The following TEX15 variants were observed in gnomAD, a reference collection of about 807,000 sequenced individuals.
TEX15 encodes the protein testis-expressed protein 15.
Under a neutral mutation model 237.3 loss-of-function variants are expected in TEX15, and 171 were observed. The ratio of observed to expected loss-of-function variants is 0.72; its 90% CI spans 0.64 to 0.82. TEX15 has a LOEUF of 0.82. TEX15 is among the 40% of genes least tolerant of loss of function. The pLI is 0.00. For missense variants in TEX15, 3,750 were observed against 3,646.5 expected, an observed-to-expected ratio of 1.03 and a Z score of -0.73; for synonymous variants, 1,338 against 1,269.8, an observed-to-expected ratio of 1.05 and a Z score of -1.14.
intron 4 of TEX15, among the ~76,000 whole-genome samples, chr8:30,873,784 G>GT (rs1215398529): frequency 6.6e-6 from 1 of 152,090 alleles, no homozygotes; most frequent in Admixed American, 6.6e-5. Flanking sequence ...ATATATTGTA[G>GT]TAAGTACCAT....
chr8:30,858,802 G>A lies in TEX15; in HGVS notation c.716C>T (p.Ser239Leu). 6.5e-7 allele frequency: 1 copy of A among 1,534,864 alleles called. No homozygotes were observed. The highest frequency in any genetic ancestry group is 8.7e-7 in the Non-Finnish European group (1 of 1,146,402). ...AVYFYEYSVL[S>L]KPVDKPRQCL... ...TTGCCTAGGTTTATCTACAGGCTTTGAAAGGACACTGTATTCATAGAAGTA... is the reference window on the plus strand; with the variant it reads ...TTGCCTAGGTTTATCTACAGGCTTTAAAAGGACACTGTATTCATAGAAGTA... The change falls in exon 7 of 11, where the codon TCA becomes TTA. Residue 239 changes from serine (S) to leucine (L), a missense_variant. Ser to Leu is a moderately radical substitution (Grantham distance 145, BLOSUM62 -2). Coordinates refer to ENST00000643185, the MANE Select transcript of TEX15 (RefSeq NM_001350162.2).
In TEX15 at chr8:30,894,328, T is replaced by TA. The variant is rs573078658; in HGVS notation, c.-10+4413dup. ...GTAGCAAGAAAAAAAATTCTGTCTC[T>TA]AAAAAAAATCCGTATTTGATAATTC... On this transcript the variant is annotated intron_variant, in intron 2 of 10. Coordinates refer to ENST00000643185, the MANE Select transcript of TEX15 (RefSeq NM_001350162.2). 7.0e-4 allele frequency among the ~76,000 whole-genome samples: 106 copies of TA among 152,124 alleles called. 3 individuals are homozygous for TA. In the South Asian group the frequency reaches 0.017, roughly 24 times the overall value.
chr8:30,909,501 A>G (rs1440664807), intron 1 of TEX15, among the ~76,000 whole-genome samples: 5 of 151,220 alleles, frequency 3.3e-5, no homozygotes, highest in Admixed American at 6.6e-5. Context: ...TTCCAAGGAT[A>G]TAGGATTGCT....
rs1344921452 is a variant in TEX15, at chr8:30,858,710, T to C, written c.808A>G (p.Thr270Ala). 1 of 1,535,852 alleles carries C rather than the reference T, an allele frequency of 6.5e-7. No individual in the cohort carries two copies. Among genetic ancestry groups the C allele is most frequent in the South Asian group, 1.2e-5 (1 of 84,020 alleles). Residue 270 changes from threonine to alanine, a missense_variant, in exon 7 of 11, where the codon ACA (threonine) becomes GCA (alanine). By Grantham distance (58) the Thr-to-Ala change is moderately conservative. Transcript: ENST00000643185. ...CCTGTTGAGAGGAATCTCAAAGATG[T>C]CATAAGGCGTCCATTATCTACTTTT... ...GSKVDNGRLM[T>A]SLRFLSTGFP...
At chr8:30,887,052 G>A (rs1808665082) in intron 3 of TEX15, 115 bp downstream of exon 3, 2 of 901,100 alleles carry the variant, frequency 2.2e-6, no homozygotes, top group Non-Finnish European at 1.6e-6. Context: ...TAAGGAATTA[G>A]AGACCTGAAT....
At chr8:30,882,952 T>A (rs367808221) in intron 3 of TEX15, among the ~76,000 whole-genome samples, 6 of 152,060 alleles carry the variant, frequency 3.9e-5, no homozygotes, top group African/African-American at 1.4e-4. Context: ...TTGTATTTTT[T>A]GTAGAGATGG....
Position 30,846,869 on chromosome 8 carries a change from T to G in TEX15, c.3298A>C (p.Ile1100Leu). 1 of 1,613,920 alleles carries G rather than the reference T, an allele frequency of 6.2e-7. No homozygotes were observed. The highest frequency in any genetic ancestry group is 8.5e-7 in the Non-Finnish European group (1 of 1,179,828). Residue 1100 changes from isoleucine (I) to leucine (L), a missense_variant, in exon 8 of 11, where the codon ATC (isoleucine) becomes CTC (leucine). Ile to Leu is a conservative substitution (Grantham distance 5). Coordinates refer to ENST00000643185, the MANE Select transcript of TEX15 (RefSeq NM_001350162.2). ...VTSYKALKSR[I>L]SWEGLLALDN... ...AGTGCTAACAGACCTTCCCAACTGA[T>G]ACGAGACTTCAGAGCCTTATATGAG...
chr8:30,896,527 A>G (rs1808909243), intron 2 of TEX15, among the ~76,000 whole-genome samples: 1 of 151,230 alleles, frequency 6.6e-6, no homozygotes, highest in Admixed American at 6.6e-5. Flanking sequence ...ACCTCAGCTC[A>G]CTACCAGAAC....
chr8:30,837,125 A>C lies in TEX15; in HGVS notation c.9159T>G (p.Asn3053Lys), dbSNP rs755631226. 1.2e-6 allele frequency: 2 copies of C among 1,614,118 alleles called. No individual in the cohort carries two copies. The highest frequency in any genetic ancestry group is 1.7e-6 in the Non-Finnish European group (2 of 1,179,980). Residue 3053 changes from asparagine to lysine, a missense_variant, in exon 10 of 11, where the codon AAT (asparagine) becomes AAG (lysine). Transcript: ENST00000643185. The stretch of plus-strand genomic sequence containing the variant: ...GGTATGTCTGGGTAATGGCATTGCC[A>C]TTGCTGTTGCTGTACTGATAAACAC... Reference protein sequence around the residue: ...AWCVYQYSNSNGNAITQTYQG... With the variant: ...AWCVYQYSNSKGNAITQTYQG...
intron 6 of TEX15, 121 bp downstream of exon 6, chr8:30,859,790 G>T: frequency 4.0e-6 from 3 of 751,998 alleles, no homozygotes; most frequent in Non-Finnish European, 5.5e-6. Context: ...TTCACTGTTT[G>T]CTTAAGATAT....
intron 10 of TEX15, 117 bp from the exon 11 acceptor site, chr8:30,833,440 G>T (rs572171650): frequency 1.4e-6 from 1 of 709,952 alleles, no homozygotes. Context: ...GTGCTTATTT[G>T]CCCTTAAGTA....
chr8:30,837,913 A>C lies in TEX15; in HGVS notation c.8371T>G (p.Cys2791Gly). 6.2e-7 allele frequency: 1 copy of C among 1,614,120 alleles called. No individual in the cohort carries two copies. The highest frequency in any genetic ancestry group is 8.5e-7 in the Non-Finnish European group (1 of 1,179,992). Residue 2791 changes from cysteine to glycine, a missense_variant, in exon 10 of 11, where the codon TGC becomes GGC. By Grantham distance (159) the Cys-to-Gly change is radical. Transcript: ENST00000643185. ...LLPLENPKDT[C>G]ASKSESKIDL... ...ATTTTGCTTTCCGACTTTGATGCGC[A>C]AGTGTCTTTTGGGTTCTCTAAGGGT... is the stretch of plus-strand genomic sequence containing the variant.
rs531917912 is a variant in TEX15 at position 30,895,145 on chromosome 8, C to T, written c.-10+3597G>A. Among the ~76,000 whole-genome samples the T allele has an allele frequency of 2.0e-5, 3 of 151,838 alleles. No individual in the cohort carries two copies. In the South Asian group the frequency reaches 6.2e-4, roughly 32 times the overall value. ...TGAACTGATCTTTAGTCAGCAAGAG[C>T]ATAATCTGTATGGTAAGATGGAAAA... On this transcript the variant is annotated intron_variant, in intron 2 of 10. Coordinates refer to ENST00000643185, the MANE Select transcript of TEX15 (RefSeq NM_001350162.2).
intron 2 of TEX15, among the ~76,000 whole-genome samples, chr8:30,893,356 C>T (rs921265598): frequency 6.6e-6 from 1 of 152,218 alleles, no homozygotes; most frequent in East Asian, 1.9e-4. Context: ...ACCCAGCAAC[C>T]TTGTTAAGCT....
At chr8:30,875,159 T>C in intron 3 of TEX15, 57 bp from the exon 4 acceptor site, 1 of 1,107,982 alleles carries the variant, frequency 9.0e-7, no homozygotes, top group Non-Finnish European at 1.1e-6. Context: ...TGGACATCTG[T>C]ACAATGACAA....
Position 30,847,460 on chromosome 8 carries a change from CCTTTT to C in TEX15, c.2702_2706del (p.Glu901GlyfsTer14), listed in dbSNP as rs759105309. The stretch of plus-strand genomic sequence containing the variant: ...TCTATATTGTGGTAATTTTTGTCCT[CCTTTT>C]CATCTATATTGCTGAAATTTTCGTT... On this transcript the variant is annotated frameshift_variant, in exon 8 of 11. Transcript: ENST00000643185. LOFTEE classifies it high-confidence loss of function. The C allele has an allele frequency of 6.2e-7, 1 of 1,611,926 alleles. No individual in the cohort carries two copies. The highest frequency in any genetic ancestry group is 8.5e-7 in the Non-Finnish European group (1 of 1,179,516).
At chr8:30,905,637 C>A (rs1353773571) in intron 1 of TEX15, among the ~76,000 whole-genome samples, 2 of 151,018 alleles carry the variant, frequency 1.3e-5, no homozygotes, top group African/African-American at 4.9e-5. Context: ...GCCTATAATC[C>A]CAGCATTTTG....
intron 1 of TEX15, among the ~76,000 whole-genome samples, chr8:30,900,947 C>T (rs1808993875): frequency 6.6e-6 from 1 of 152,156 alleles, no homozygotes; most frequent in African/African-American, 2.4e-5. Flanking sequence ...TGCTTGAGGT[C>T]AGGAGTTTGA....
At chr8:30,840,043 A>G in intron 8 of TEX15, 79 bp from the exon 9 acceptor site, 1 of 816,766 alleles carries the variant, frequency 1.2e-6, no homozygotes, top group Non-Finnish European at 1.8e-6. Context: ...TCAATATTAG[A>G]TATTTTTAAT....
Sources: allele counts gnomAD v4.1 joint callset (sites outside exome capture counted in the v4.1 genomes callset), GRCh38; gene constraint gnomAD v4.1.1; transcripts MANE v1.5; gene names NCBI Gene and HGNC (gene_info 2026-07-23, HGNC 2026-07-21).